The following USP36 variants were observed in gnomAD, a reference collection of about 807,000 sequenced individuals.
USP36 encodes the protein ubiquitin carboxyl-terminal hydrolase 36.
USP36 carries 59 observed loss-of-function variants against 111.5 expected under a neutral mutation model. That is an observed-to-expected ratio of 0.53 (90% CI 0.43 to 0.66). The LOEUF (loss-of-function observed/expected upper bound fraction) is 0.66, where lower values mean the gene tolerates loss of function less well. Ranked by LOEUF, USP36 falls within the 30% of genes least tolerant of loss-of-function variation. The probability of loss-of-function intolerance (pLI) is 0.00; values close to 1 mark genes in which losing one functional copy is unlikely to be tolerated. For synonymous variants in USP36, 628 were observed against 581.0 expected, an observed-to-expected ratio of 1.08 and a Z score of -1.16; for missense variants, 1,488 against 1,468.0, an observed-to-expected ratio of 1.01 and a Z score of -0.22.
intron 1 of USP36, among the ~76,000 whole-genome samples, chr17:78,840,191 CGT>C (rs2069131938): frequency 6.6e-6 from 1 of 152,170 alleles, no homozygotes; most frequent in Non-Finnish European, 1.5e-5. Context: ...TCTCCCCTCT[CGT>C]GTGTCTGGGT....
chr17:78,806,076 G>A, intron 15 of USP36, 80 bp downstream of exon 15: 11 of 1,602,614 alleles, frequency 6.9e-6, no homozygotes, highest in South Asian at 4.4e-5. Flanking sequence ...TTGGCGATTC[G>A]TCCAACTCCT....
chr17:78,811,605 C>A (rs1486753894), intron 13 of USP36, among the ~76,000 whole-genome samples: 1 of 152,100 alleles, frequency 6.6e-6, no homozygotes, highest in Admixed American at 6.6e-5. Context: ...CACAGTGGCT[C>A]ACGTCTGTAA....
chr17:78,840,322 T>TGCCCGCCCCGGGGCCGC (rs1245639164), intron 1 of USP36: 1 of 151,946 alleles, frequency 6.6e-6, no homozygotes, highest in Non-Finnish European at 1.5e-5. Context: ...ACGAGGAAGG[T>TGCCCGCCCCGGGGCCGC]GCCCGCCCCG....
intron 3 of USP36, among the ~76,000 whole-genome samples, chr17:78,788,217 C>T (rs2376827): frequency 0.88 from 134,055 of 151,884 alleles, 59,406 homozygotes; most frequent in African/African-American, 0.96. Flanking sequence ...CAGGCTGGAG[C>T]GCAGTGGTGC....
At chr17:78,814,022 G>C (rs1419641095) in intron 11 of USP36, 149 bp from the exon 12 acceptor site, 2 of 732,530 alleles carry the variant, frequency 2.7e-6, no homozygotes, top group South Asian at 1.8e-5. Context: ...ATTAAAACGT[G>C]TAATATTTTC....
At chr17:78,812,714 A>AAAAAAG in intron 13 of USP36, 146 bp downstream of exon 13, 1 of 868,764 alleles carries the variant, frequency 1.2e-6, no homozygotes, top group Non-Finnish European at 1.6e-6. Context: ...AAAAAAAAAA[A>AAAAAAG]AAAAGAAAAG....
chr17:78,840,268 C>G, intron 1 of USP36: 1 of 152,760 alleles, frequency 6.5e-6, no homozygotes. Flanking sequence ...GCAGCAGCAT[C>G]GGAACCGCAC....
rs766718734 is a variant in USP36, at chr17:78,802,448, C to T, written c.2898G>A (p.Gln966=). 3 of 1,607,258 alleles carry T rather than the reference C, an allele frequency of 1.9e-6. No homozygotes were observed. The highest frequency in any genetic ancestry group is 2.5e-6 in the Non-Finnish European group (3 of 1,177,090). The stretch of plus-strand genomic sequence containing the variant: ...GATGCCCATCCTCTTCTACTGCCCG[C>T]TGTGTCTCCTGCTTTCTTTTTTTCT... The part of the protein sequence containing the change: ...KKKKKRKQET[Q]RAVEEDGHLK... The change falls in exon 17 of 21, where the codon CAG becomes CAA. Residue 966 remains glutamine, a synonymous_variant. Transcript: ENST00000449938.
intron 10 of USP36, among the ~76,000 whole-genome samples, chr17:78,817,133 A>G (rs1338336852): frequency 6.6e-6 from 1 of 152,236 alleles, no homozygotes; most frequent in East Asian, 1.9e-4. Context: ...AACTGCCTAC[A>G]GTATTCAGGA....
At chr17:78,833,125 G>A (rs1265157842) in intron 4 of USP36, among the ~76,000 whole-genome samples, 3 of 152,048 alleles carry the variant, frequency 2.0e-5, no homozygotes, top group Non-Finnish European at 4.4e-5. Context: ...TCCAGCCTGG[G>A]CGACAGAACG....
intron 13 of USP36, 149 bp downstream of exon 13, chr17:78,812,711 A>G: frequency 2.3e-6 from 2 of 861,148 alleles, no homozygotes; most frequent in African/African-American, 1.7e-5. Flanking sequence ...AAAAAAAAAA[A>G]AAAAAAAGAA....
At chr17:78,822,105 G>A (rs552606753) in intron 6 of USP36, 101 bp from the exon 7 acceptor site, 23 of 1,384,060 alleles carry the variant, frequency 1.7e-5, no homozygotes, top group South Asian at 8.3e-5. Flanking sequence ...CAAGCTCAGC[G>A]TGAGGCTGGG....
At position 78,803,889 on chromosome 17, in the gene USP36, G is replaced by C. The variant is rs1457430542; in HGVS notation, c.2306C>G (p.Pro769Arg). Residue 769 changes from proline to arginine, a missense_variant, in exon 16 of 21, where the codon CCA becomes CGA. Physicochemically the swap from Pro to Arg is moderately radical, Grantham distance 103. Transcript: ENST00000449938. This position sits in a 1 kb window ranked among gnomAD's most constrained non-coding sequence, Gnocchi z 4.6. ...GCAGCTCCGTGGTTCTGACGTCCCT[G>C]GGGGCTTGGGGGTACTGGACAGCAA... ...PTLLSSTPKPPGTSEPRSCSS... is the reference protein window; with the variant it reads ...PTLLSSTPKPRGTSEPRSCSS... 12 of 1,611,624 alleles carry C rather than the reference G, an allele frequency of 7.4e-6. No individual in the cohort carries two copies. The Admixed American group carries it at 2.0e-4, about 27-fold the overall frequency.
intron 6 of USP36, 121 bp downstream of exon 6, chr17:78,827,124 T>C (rs2067621387): frequency 8.6e-7 from 1 of 1,157,236 alleles, no homozygotes; most frequent in Non-Finnish European, 1.2e-6. Flanking sequence ...TTCTGCCACG[T>C]CTACCCAAGG....
chr17:78,827,450 T>C (rs1199893917), intron 5 of USP36, 103 bp from the exon 6 acceptor site: 1 of 1,066,732 alleles, frequency 9.4e-7, no homozygotes, highest in Non-Finnish European at 1.3e-6. Flanking sequence ...AAGGGGAAAA[T>C]ACTGCAACTT....
At chr17:78,789,368 G>A (rs908160654) in intron 3 of USP36, among the ~76,000 whole-genome samples, 1 of 152,020 alleles carries the variant, frequency 6.6e-6, no homozygotes, top group Admixed American at 6.6e-5. Flanking sequence ...CCCAGAAGGA[G>A]TAGGCTGAAC....
chr17:78,808,515 T>G (rs980833700), intron 13 of USP36, among the ~76,000 whole-genome samples: 1 of 152,214 alleles, frequency 6.6e-6, no homozygotes, highest in Non-Finnish European at 1.5e-5. Context: ...CCTCTCAAAG[T>G]GCTGGGATTA....
rs550097094 is a variant in USP36, at chr17:78,807,110, C to T, written c.1934G>A (p.Cys645Tyr). 1 of 1,614,214 alleles carries T rather than the reference C, an allele frequency of 6.2e-7. No homozygotes were observed. Among genetic ancestry groups the T allele is most frequent in the South Asian group, 1.1e-5 (1 of 91,086 alleles). ...AHLCDSQETNCSTAGHSKTPP... is the reference protein window; with the variant it reads ...AHLCDSQETNYSTAGHSKTPP... The stretch of plus-strand genomic sequence containing the variant: ...CGTTTTGGAGTGGCCAGCGGTGGAA[C>T]AGTTCGTTTCCTGAGAATCGCAGAG... The change falls in exon 14 of 21, where the codon TGT becomes TAT. Residue 645 changes from cysteine to tyrosine, a missense_variant. Cys to Tyr is a radical substitution (Grantham distance 194). Coordinates refer to ENST00000449938, the MANE Select transcript of USP36 (RefSeq NM_001385174.1).
rs746497209 is a variant in USP36 at position 78,800,969 on chromosome 17, ATTTTTTTTT to A, written c.3023-1210_3023-1202del. On this transcript the variant is annotated intron_variant, in intron 17 of 20. Coordinates refer to ENST00000449938, the MANE Select transcript of USP36 (RefSeq NM_001385174.1). ...AGCTCTGGTGCCATGTTAGGGCAGT[ATTTTTTTTT>A]TTTTTTTTTTTTTTTTGAGACGGAG... Among the ~76,000 whole-genome samples, 19 of 97,218 alleles carry A rather than the reference ATTTTTTTTT, an allele frequency of 2.0e-4. No homozygotes were observed. In the East Asian group the frequency reaches 5.5e-3, roughly 28 times the overall value. 63.8% of individuals were successfully genotyped at this position (97,218 alleles called of 152,430 possible). A position where few individuals can be genotyped will look rare whatever the true frequency, so the allele number is the denominator to read the frequency against.
Sources: gnomAD v4.1 joint callset for allele counts (sites outside exome capture counted in the v4.1 genomes callset) on GRCh38, gnomAD v4.1.1 for gene constraint, Gnocchi (gnomAD v3.1) non-coding constraint, MANE v1.5 for transcripts, NCBI Gene and HGNC (gene_info 2026-07-23, HGNC 2026-07-21) for gene names.